The following GRM5 variants were observed in gnomAD, a reference collection of about 807,000 sequenced individuals.
GRM5 encodes metabotropic glutamate receptor 5.
In GRM5, 19 loss-of-function variants were observed where a neutral mutation model predicts 83.1. The observed-to-expected ratio is 0.23, with a 90% CI of 0.16 to 0.34. GRM5 has a LOEUF of 0.34. GRM5 is among the 10% of genes least tolerant of loss of function. GRM5 has a pLI of 1.00. For missense variants in GRM5, 1,160 were observed against 1,588.3 expected (o/e 0.73, Z 4.58); for synonymous variants, 675 against 633.6 (o/e 1.07, Z -0.98).
chr11:88,970,913 CT>C (rs1408928813), intron 2 of GRM5, among the ~76,000 whole-genome samples: 1 of 152,120 alleles, frequency 6.6e-6, no homozygotes, highest in African/African-American at 2.4e-5. Context: ...ACCCTTCTTT[CT>C]GCCCTCTTTT....
chr11:89,051,895 T>G (rs568010409), intron 1 of GRM5, among the ~76,000 whole-genome samples: 1 of 152,330 alleles, frequency 6.6e-6, no homozygotes, highest in East Asian at 1.9e-4. Flanking sequence ...GACTTCTCTA[T>G]GATTGGCGAC....
intron 3 of GRM5, among the ~76,000 whole-genome samples, chr11:88,667,619 C>A (rs148127318): frequency 6.6e-6 from 1 of 152,066 alleles, no homozygotes; most frequent in African/African-American, 2.4e-5. Flanking sequence ...TTAGGCCAGG[C>A]GCAGTGGCTC....
At chr11:88,931,291 T>A (rs1306582879) in intron 2 of GRM5, among the ~76,000 whole-genome samples, 4 of 151,938 alleles carry the variant, frequency 2.6e-5, no homozygotes, top group Non-Finnish European at 2.9e-5. Context: ...CACTGTAATA[T>A]TGAGTTCTGA....
chr11:88,658,330 T>G (rs2135313767), intron 3 of GRM5, among the ~76,000 whole-genome samples: 1 of 152,292 alleles, frequency 6.6e-6, no homozygotes, highest in African/African-American at 2.4e-5. Context: ...AAGTGGCACA[T>G]GTTATTTCTG....
intron 3 of GRM5, among the ~76,000 whole-genome samples, chr11:88,734,401 G>A (rs1049248102): frequency 9.9e-5 from 15 of 151,904 alleles, no homozygotes; most frequent in African/African-American, 3.4e-4. Context: ...TGGTACAGTA[G>A]CTATGAAAAA....
At chr11:88,794,805 G>A (rs1009236930) in intron 3 of GRM5, among the ~76,000 whole-genome samples, 4 of 152,152 alleles carry the variant, frequency 2.6e-5, no homozygotes, top group Non-Finnish European at 5.9e-5. Flanking sequence ...TAAAGAATTA[G>A]GCCAAATAGT....
chr11:88,575,990 G>T, intron 7 of GRM5, among the ~76,000 whole-genome samples: 1 of 152,046 alleles, frequency 6.6e-6, no homozygotes, highest in Admixed American at 6.6e-5. Context: ...AAGACATAAA[G>T]AATGATTTAA....
At chr11:88,824,107 CT>C (rs1943851172) in intron 3 of GRM5, among the ~76,000 whole-genome samples, 1 of 152,092 alleles carries the variant, frequency 6.6e-6, no homozygotes. Flanking sequence ...TTGCTATCAT[CT>C]CTTCTTGCAT....
chr11:88,613,828 T>G (rs1335692968), intron 4 of GRM5, among the ~76,000 whole-genome samples: 5 of 152,190 alleles, frequency 3.3e-5, no homozygotes, highest in Non-Finnish European at 7.4e-5. Context: ...GAACTCTGGA[T>G]CATTTTCTCT....
intron 8 of GRM5, among the ~76,000 whole-genome samples, chr11:88,539,335 T>G (rs892379474): frequency 6.6e-6 from 1 of 152,234 alleles, no homozygotes; most frequent in Non-Finnish European, 1.5e-5. Flanking sequence ...TCTACTTGTT[T>G]ACCAGAGTTT....
intron 2 of GRM5, among the ~76,000 whole-genome samples, chr11:89,000,486 G>T (rs911976912): frequency 6.6e-6 from 1 of 152,102 alleles, no homozygotes; most frequent in Non-Finnish European, 1.5e-5. Context: ...AAGTGATATT[G>T]GAGTAAGTCA....
At chr11:88,872,939 A>G (rs1381441037) in intron 2 of GRM5, among the ~76,000 whole-genome samples, 1 of 43,992 alleles carries the variant, frequency 2.3e-5, no homozygotes, top group South Asian at 1.3e-3. Flanking sequence ...AAAAAAAAAA[A>G]GACCCAACTA....
intron 2 of GRM5, among the ~76,000 whole-genome samples, chr11:88,913,552 T>C (rs933504933): frequency 6.0e-5 from 7 of 116,654 alleles, no homozygotes; most frequent in East Asian, 2.4e-4. Context: ...TCTTTTACAG[T>C]TCCATATCTT....
intron 2 of GRM5, among the ~76,000 whole-genome samples, chr11:88,994,041 G>A (rs764709976): frequency 6.6e-6 from 1 of 151,962 alleles, no homozygotes; most frequent in East Asian, 1.9e-4. Flanking sequence ...TAATATAAAA[G>A]CAATATACAA....
At chr11:88,846,434 C>T (rs988001282) in intron 3 of GRM5, among the ~76,000 whole-genome samples, 9 of 152,138 alleles carry the variant, frequency 5.9e-5, no homozygotes, top group Non-Finnish European at 1.3e-4. Flanking sequence ...CAGCAGATTA[C>T]CCACAGCTCA....
intron 3 of GRM5, among the ~76,000 whole-genome samples, chr11:88,751,044 G>A (rs1385765731): frequency 2.5e-5 from 2 of 81,558 alleles, no homozygotes; most frequent in African/African-American, 1.0e-4. Flanking sequence ...AGAAACAAGA[G>A]GAAACAAACC....
rs1938104286 is a variant in GRM5, at chr11:88,941,507, GA to G, written c.662-91353del. Among the ~76,000 whole-genome samples, 4 of 60,086 alleles carry G rather than the reference GA, an allele frequency of 6.7e-5. No homozygotes were observed. In the Admixed American group the frequency reaches 7.5e-4, roughly 11 times the overall value. 39.4% of individuals were successfully genotyped at this position (60,086 alleles called of 152,430 possible). A position where few individuals can be genotyped will look rare whatever the true frequency, so the allele number is the denominator to read the frequency against. ...GAGAGGAGGGGAGAGGAGGGGAGAG[GA>G]GGGGAGAGGAGAGAGGAGGGGAGAG... is the stretch of plus-strand genomic sequence containing the variant. On this transcript the variant is annotated intron_variant, in intron 2 of 9. Coordinates refer to ENST00000305447, the MANE Select transcript of GRM5 (RefSeq NM_001143831.3).
At chr11:88,913,677 C>T (rs1463144682) in intron 2 of GRM5, among the ~76,000 whole-genome samples, 1 of 151,376 alleles carries the variant, frequency 6.6e-6, no homozygotes, top group Non-Finnish European at 1.5e-5. Flanking sequence ...ACCTCTGCCT[C>T]CCAGGTTCAA....
chr11:88,521,602 G>A (rs1320046045), intron 9 of GRM5, among the ~76,000 whole-genome samples: 2 of 152,100 alleles, frequency 1.3e-5, no homozygotes, highest in Non-Finnish European at 2.9e-5. Context: ...CCCTGTTTAG[G>A]ACTCTCTTTT....
Sources: allele counts gnomAD v4.1 joint callset (sites outside exome capture counted in the v4.1 genomes callset), GRCh38; gene constraint gnomAD v4.1.1; transcripts MANE v1.5; gene names NCBI Gene and HGNC (gene_info 2026-07-23, HGNC 2026-07-21).